Variants in EPB41L2 observed in about 807,000 individuals in gnomAD.
The protein encoded by EPB41L2 is erythrocyte membrane protein band 4.1 like 2, also known as band 4.1-like protein 2.
A neutral mutation model predicts 113.0 loss-of-function variants in EPB41L2; 43 were observed. The observed-to-expected ratio is 0.38, with a 90% CI of 0.30 to 0.49. The LOEUF (loss-of-function observed/expected upper bound fraction) is 0.49. Among genes scored for constraint, EPB41L2 ranks in the 20% least tolerant of loss-of-function variants. The pLI, the probability that EPB41L2 is intolerant of heterozygous loss-of-function variation, is 0.95. For synonymous variants in EPB41L2, 442 were observed against 436.7 expected, an observed-to-expected ratio of 1.01 and a Z score of -0.15; for missense variants, 1,147 against 1,223.4, an observed-to-expected ratio of 0.94 and a Z score of 0.93.
At chr6:130,859,806 G>A (rs1196493007) in intron 18 of EPB41L2, among the ~76,000 whole-genome samples, 1 of 151,060 alleles carries the variant, frequency 6.6e-6, no homozygotes, top group Non-Finnish European at 1.5e-5. Context: ...ACAGAAACTT[G>A]GAAGACATTT....
chr6:131,046,830 T>C (rs866304069), intron 1 of EPB41L2, among the ~76,000 whole-genome samples: 5 of 152,356 alleles, frequency 3.3e-5, no homozygotes, highest in South Asian at 2.1e-4. Context: ...CAGTGCTTTC[T>C]AGTTTCTGCA....
At chr6:130,991,106 G>A (rs1186354618) in intron 1 of EPB41L2, among the ~76,000 whole-genome samples, 2 of 152,158 alleles carry the variant, frequency 1.3e-5, no homozygotes, top group Non-Finnish European at 2.9e-5. Context: ...TAAGATTACA[G>A]GCATGAGCCA....
intron 14 of EPB41L2, among the ~76,000 whole-genome samples, chr6:130,877,544 T>C (rs1787960408): frequency 6.6e-6 from 1 of 152,168 alleles, no homozygotes; most frequent in Non-Finnish European, 1.5e-5. Context: ...AGAAATGTTA[T>C]GATTGAAAAA....
rs557712954 is a variant in EPB41L2, at chr6:130,941,411, C to T, written c.705+13694G>A. Among the ~76,000 whole-genome samples the T allele has an allele frequency of 3.3e-5, 5 of 152,256 alleles. No individual in the cohort carries two copies. In the East Asian group the frequency reaches 9.6e-4, roughly 29 times the overall value. On this transcript the variant is annotated intron_variant, in intron 3 of 19. Coordinates refer to ENST00000337057, the MANE Select transcript of EPB41L2 (RefSeq NM_001431.4). ...TCGAACTTCTAGCCAGAAGCGCACA[C>T]CAAATTTTTTTAAGTATCTTTCATA... is the stretch of plus-strand genomic sequence containing the variant.
intron 1 of EPB41L2, among the ~76,000 whole-genome samples, chr6:130,974,626 T>C (rs1017297313): frequency 2.6e-5 from 4 of 152,072 alleles, no homozygotes; most frequent in African/African-American, 9.6e-5. Flanking sequence ...TACCCACTTA[T>C]GAGTGGTAGA....
intron 1 of EPB41L2, among the ~76,000 whole-genome samples, chr6:131,051,425 A>G (rs1796501814): frequency 6.7e-6 from 1 of 148,292 alleles, no homozygotes; most frequent in African/African-American, 2.5e-5. Flanking sequence ...AAGTTTTCTT[A>G]CAAGGAACAA....
At chr6:130,942,030 AT>A (rs1244348440) in intron 3 of EPB41L2, among the ~76,000 whole-genome samples, 1 of 152,150 alleles carries the variant, frequency 6.6e-6, no homozygotes, top group East Asian at 1.9e-4. Context: ...TCATAAAACT[AT>A]TTTTCTGAAT....
rs73623312 is a variant in EPB41L2, at chr6:131,028,407, C to A, written c.-15+34748G>T. Among the ~76,000 whole-genome samples the A allele has an allele frequency of 8.4e-3, 1,283 of 152,198 alleles. 28 individuals carry two copies. The highest frequency in any genetic ancestry group is 0.03 in the African/African-American group (1,235 of 41,540). On this transcript the variant is annotated intron_variant, in intron 1 of 19. Coordinates refer to ENST00000337057, the MANE Select transcript of EPB41L2 (RefSeq NM_001431.4). ...GCTCTCCAAGGAATAAAGCAATGAA[C>A]TAAAAATATCCCAATGTCTGGTGCT...
chr6:131,036,651 A>G (rs1024378309), intron 1 of EPB41L2, among the ~76,000 whole-genome samples: 1 of 152,208 alleles, frequency 6.6e-6, no homozygotes, highest in Non-Finnish European at 1.5e-5. Context: ...ATTCCTTCAT[A>G]AAATAACTTT....
intron 10 of EPB41L2, among the ~76,000 whole-genome samples, chr6:130,890,923 C>G (rs1792628773): frequency 6.6e-6 from 1 of 152,196 alleles, no homozygotes. Context: ...CCATGAAGAA[C>G]ATGCCACACA....
In EPB41L2 at chr6:130,957,890, G is replaced by A. The variant is rs563600780; in HGVS notation, c.-14-1391C>T. On this transcript the variant is annotated intron_variant, in intron 1 of 19. Transcript: ENST00000337057. ...ACTCTGCATTCCCCGTCGCCCCCTG[G>A]CAACCTTACGAATATATCCAAAACC... Among the ~76,000 whole-genome samples the A allele has an allele frequency of 3.4e-3, 511 of 152,252 alleles. 1 individual carries two copies. The highest frequency in any genetic ancestry group is 5.8e-3 in the Non-Finnish European group (394 of 68,032).
At chr6:130,998,754 T>C (rs1488745917) in intron 1 of EPB41L2, among the ~76,000 whole-genome samples, 1 of 152,206 alleles carries the variant, frequency 6.6e-6, no homozygotes, top group African/African-American at 2.4e-5. Flanking sequence ...TTTCTCCCTA[T>C]GACTATTTGT....
At chr6:130,912,923 G>A (rs192515557) in intron 4 of EPB41L2, among the ~76,000 whole-genome samples, 39 of 152,220 alleles carry the variant, frequency 2.6e-4, no homozygotes, top group African/African-American at 9.1e-4. Flanking sequence ...TATTAACACA[G>A]AGAAATTAAG....
At chr6:131,016,832 C>A (rs1788345004) in intron 1 of EPB41L2, among the ~76,000 whole-genome samples, 1 of 139,230 alleles carries the variant, frequency 7.2e-6, no homozygotes, top group South Asian at 2.3e-4. Flanking sequence ...AAAAAAAGCA[C>A]TACTATATTC....
chr6:130,904,287 AT>A (rs1433086206), intron 6 of EPB41L2, among the ~76,000 whole-genome samples, 177 bp downstream of exon 6: 1 of 152,188 alleles, frequency 6.6e-6, no homozygotes, highest in Non-Finnish European at 1.5e-5. Context: ...AGTGAATAAA[AT>A]TTTTGAAACT....
chr6:130,878,002 G>A (rs1788093587), intron 14 of EPB41L2, 102 bp downstream of exon 14: 2 of 1,170,588 alleles, frequency 1.7e-6, no homozygotes, highest in South Asian at 5.5e-5. Flanking sequence ...TAATTAAATG[G>A]GAACATTTTG....
chr6:130,984,508 A>G (rs955350024), intron 1 of EPB41L2, among the ~76,000 whole-genome samples: 1 of 152,196 alleles, frequency 6.6e-6, no homozygotes, highest in Non-Finnish European at 1.5e-5. Context: ...GATAATAGGA[A>G]TTATTCACCT....
chr6:130,946,708 G>A (rs908172967), intron 3 of EPB41L2, among the ~76,000 whole-genome samples: 1 of 152,006 alleles, frequency 6.6e-6, no homozygotes, highest in Non-Finnish European at 1.5e-5. Context: ...ATAACAACAT[G>A]TTAATATAGA....
At chr6:130,925,271 C>A (rs929065024) in intron 4 of EPB41L2, among the ~76,000 whole-genome samples, 1 of 148,992 alleles carries the variant, frequency 6.7e-6, no homozygotes. Context: ...TCACTGCAAC[C>A]TTTGCCTCCT....
Sources: allele counts gnomAD v4.1 joint callset (sites outside exome capture counted in the v4.1 genomes callset), GRCh38; gene constraint gnomAD v4.1.1; transcripts MANE v1.5; gene names NCBI Gene and HGNC (gene_info 2026-07-23, HGNC 2026-07-21).